The following SLC35F1 variants were observed in gnomAD, a reference collection of about 807,000 sequenced individuals.
SLC35F1 encodes the protein chromosome 6 open reading frame 169.
SLC35F1 carries 14 observed loss-of-function variants against 48.7 expected under a neutral mutation model. The observed-to-expected ratio is 0.29, with a 90% CI of 0.19 to 0.45. The LOEUF (loss-of-function observed/expected upper bound fraction) is 0.45. Among genes scored for constraint, SLC35F1 ranks in the 20% least tolerant of loss-of-function variants. The pLI, the probability that SLC35F1 is intolerant of heterozygous loss-of-function variation, is 1.00. For synonymous variants in SLC35F1, 190 were observed against 202.2 expected, an observed-to-expected ratio of 0.94 and a Z score of 0.51; for missense variants, 404 against 500.0, an observed-to-expected ratio of 0.81 and a Z score of 1.83.
At chr6:117,973,209 A>G (rs1776665336) in intron 1 of SLC35F1, among the ~76,000 whole-genome samples, 1 of 151,988 alleles carries the variant, frequency 6.6e-6, no homozygotes, top group African/African-American at 2.4e-5. Context: ...CTCTGTACCT[A>G]TGTGTCCCTA....
intron 2 of SLC35F1, among the ~76,000 whole-genome samples, chr6:118,198,821 A>G (rs1423933864): frequency 1.3e-5 from 2 of 152,208 alleles, no homozygotes; most frequent in Non-Finnish European, 2.9e-5. Flanking sequence ...AGGACTCTAA[A>G]CACCTTACTA....
chr6:117,924,488 ATATACATATGTATATACG>A (rs879780096), intron 1 of SLC35F1, among the ~76,000 whole-genome samples: 100,691 of 149,512 alleles, frequency 0.67, 36,975 homozygotes, highest in South Asian at 0.87. Flanking sequence ...GTATATACGT[ATATACATATGTATATACG>A]TATATACATA....
At chr6:118,098,344 T>C (rs772598479) in intron 1 of SLC35F1, among the ~76,000 whole-genome samples, 3 of 152,154 alleles carry the variant, frequency 2.0e-5, no homozygotes, top group Non-Finnish European at 4.4e-5. Flanking sequence ...AGAATCAGTG[T>C]CTCCTGATGC....
At chr6:118,072,241 T>A (rs941158368) in intron 1 of SLC35F1, among the ~76,000 whole-genome samples, 2 of 152,164 alleles carry the variant, frequency 1.3e-5, no homozygotes, top group African/African-American at 4.8e-5. Context: ...ACGAATATAG[T>A]ACCTTCACAA....
intron 1 of SLC35F1, among the ~76,000 whole-genome samples, chr6:118,031,715 T>G (rs1417395768): frequency 6.6e-6 from 1 of 152,158 alleles, no homozygotes; most frequent in East Asian, 1.9e-4. Flanking sequence ...GTGCTGCGAG[T>G]AGCAGCACAG....
chr6:118,092,624 C>A (rs913133688), intron 1 of SLC35F1, among the ~76,000 whole-genome samples: 5 of 152,200 alleles, frequency 3.3e-5, no homozygotes, highest in Admixed American at 3.3e-4. Context: ...ATGAAAGTAG[C>A]ATTTCATGGG....
At chr6:118,013,315 T>C (rs534391533) in intron 1 of SLC35F1, among the ~76,000 whole-genome samples, 13 of 152,308 alleles carry the variant, frequency 8.5e-5, no homozygotes, top group Non-Finnish European at 1.8e-4. Context: ...GGGTGTGGAC[T>C]GGGCAGCAGG....
chr6:118,061,590 G>GTATATATATATATATATATATA (rs58046512), intron 1 of SLC35F1, among the ~76,000 whole-genome samples: 5 of 144,414 alleles, frequency 3.5e-5, no homozygotes, highest in African/African-American at 1.3e-4. Context: ...GTGTGTGTGT[G>GTATATATATATATATATATATA]TATATATATA....
At chr6:118,138,398 A>G (rs766941790) in intron 1 of SLC35F1, among the ~76,000 whole-genome samples, 1 of 152,156 alleles carries the variant, frequency 6.6e-6, no homozygotes, top group Non-Finnish European at 1.5e-5. Context: ...TTTACTATCA[A>G]CATAAACTAA....
chr6:117,927,530 G>A (rs1776044289), intron 1 of SLC35F1, among the ~76,000 whole-genome samples: 1 of 152,174 alleles, frequency 6.6e-6, no homozygotes, highest in Non-Finnish European at 1.5e-5. Context: ...TCTTATCCCT[G>A]GGAGATGCTG....
chr6:117,925,020 A>G (rs896204559), intron 1 of SLC35F1, among the ~76,000 whole-genome samples: 6 of 152,200 alleles, frequency 3.9e-5, no homozygotes, highest in African/African-American at 1.4e-4. Context: ...TACATGTGAC[A>G]TCTTCAGAAG....
intron 1 of SLC35F1, among the ~76,000 whole-genome samples, chr6:118,032,702 T>C (rs1372038716): frequency 1.3e-5 from 2 of 152,252 alleles, no homozygotes; most frequent in Non-Finnish European, 2.9e-5. Context: ...AGCTATTTGA[T>C]ATTATACAGT....
chr6:118,056,538 G>T (rs1053127872), intron 1 of SLC35F1, among the ~76,000 whole-genome samples: 1 of 152,116 alleles, frequency 6.6e-6, no homozygotes, highest in African/African-American at 2.4e-5. Context: ...TAAATATTCA[G>T]CCAACACCAA....
At chr6:118,029,748 A>G (rs1218212717) in intron 1 of SLC35F1, among the ~76,000 whole-genome samples, 1 of 152,194 alleles carries the variant, frequency 6.6e-6, no homozygotes, top group African/African-American at 2.4e-5. Flanking sequence ...CAAAAGTTGA[A>G]TGAAGTTAAA....
At chr6:118,122,437 CA>C (rs1446888562) in intron 1 of SLC35F1, among the ~76,000 whole-genome samples, 1 of 152,160 alleles carries the variant, frequency 6.6e-6, no homozygotes, top group Non-Finnish European at 1.5e-5. Flanking sequence ...TTTGCCAAGT[CA>C]GAGAAACTTT....
intron 1 of SLC35F1, among the ~76,000 whole-genome samples, chr6:118,094,015 T>G (rs1431296778): frequency 6.6e-6 from 1 of 152,208 alleles, no homozygotes; most frequent in Non-Finnish European, 1.5e-5. Flanking sequence ...AACCGATCTT[T>G]GAAGTGTTCC....
At chr6:118,017,988 C>T (rs977769649) in intron 1 of SLC35F1, among the ~76,000 whole-genome samples, 2 of 152,190 alleles carry the variant, frequency 1.3e-5, no homozygotes, top group African/African-American at 4.8e-5. Context: ...GAGTGTTAGA[C>T]TTTGAAAATC....
At chr6:118,233,458 C>A (rs1028253959) in intron 2 of SLC35F1, among the ~76,000 whole-genome samples, 3 of 152,208 alleles carry the variant, frequency 2.0e-5, no homozygotes, top group Non-Finnish European at 2.9e-5. Context: ...ATCTGCCAGC[C>A]TTCTCATGTG....
At chr6:118,095,877 A>T (rs1773168729) in intron 1 of SLC35F1, among the ~76,000 whole-genome samples, 1 of 152,156 alleles carries the variant, frequency 6.6e-6, no homozygotes, top group South Asian at 2.1e-4. Context: ...GGACTGGATG[A>T]ATGTCACACA....
Sources: allele counts gnomAD v4.1 joint callset (sites outside exome capture counted in the v4.1 genomes callset), GRCh38; gene constraint gnomAD v4.1.1; transcripts MANE v1.5; gene names NCBI Gene and HGNC (gene_info 2026-07-23, HGNC 2026-07-21).